Variants in KIAA1549L observed in about 807,000 individuals in gnomAD.
KIAA1549L encodes KIAA1549 like.
In KIAA1549L, 88 loss-of-function variants were observed where a neutral mutation model predicts 160.7. The observed-to-expected ratio is 0.55, with a 90% CI of 0.46 to 0.65. KIAA1549L has a LOEUF of 0.65. KIAA1549L is among the 30% of genes least tolerant of loss of function. The pLI is 0.00. For missense variants in KIAA1549L, 2,258 were observed against 2,437.5 expected, an observed-to-expected ratio of 0.93 and a Z score of 1.55; for synonymous variants, 950 against 976.7, an observed-to-expected ratio of 0.97 and a Z score of 0.51.
intron 16 of KIAA1549L, among the ~76,000 whole-genome samples, chr11:33,641,576 A>G (rs1248110277): frequency 0.064 from 45 of 702 alleles, 1 homozygote; most frequent in African/African-American, 0.29. Flanking sequence ...GGATCTGTAT[A>G]TATATATATA....
intron 4 of KIAA1549L, among the ~76,000 whole-genome samples, chr11:33,549,682 T>A (rs1239099649): frequency 1.3e-5 from 2 of 152,176 alleles, no homozygotes; most frequent in African/African-American, 4.8e-5. Context: ...CACATGGAGA[T>A]GCAAGAATAT....
rs566063262 is a variant in KIAA1549L, at chr11:33,634,947, T to A, written c.5410-10739T>A. Among the ~76,000 whole-genome samples the A allele has an allele frequency of 1.6e-4, 24 of 149,048 alleles. 1 individual carries two copies. Among genetic ancestry groups the A allele is most frequent in the South Asian group, 8.3e-4 (4 of 4,808 alleles). On this transcript the variant is annotated intron_variant, in intron 16 of 20. Coordinates refer to ENST00000658780, the MANE Select transcript of KIAA1549L (RefSeq NM_012194.3). ...GAAATTTGAAATTTTGCTGAAAAAA[T>A]TTTTTTTAATTCCATTTGCACGCCT...
chr11:33,660,420 C>T (rs1444172532), intron 19 of KIAA1549L, among the ~76,000 whole-genome samples: 1 of 152,182 alleles, frequency 6.6e-6, no homozygotes, highest in Non-Finnish European at 1.5e-5. Flanking sequence ...AAAAAATTAG[C>T]CAGGCACAGT....
chr11:33,600,106 A>G (rs988918473), intron 13 of KIAA1549L, among the ~76,000 whole-genome samples: 12 of 152,094 alleles, frequency 7.9e-5, no homozygotes, highest in Non-Finnish European at 1.5e-4. Context: ...ATTTTCAGCT[A>G]TTATATAAAG....
chr11:33,517,869 C>T lies in KIAA1549L; in HGVS notation c.239-23933C>T, dbSNP rs141094008. Among the ~76,000 whole-genome samples the T allele has an allele frequency of 4.5e-3, 681 of 152,090 alleles. 3 individuals are homozygous for T. Among genetic ancestry groups the T allele is most frequent in the Admixed American group, 6.9e-3 (105 of 15,276 alleles). The stretch of plus-strand genomic sequence containing the variant: ...ACTTAAAAGACATTGCAGGCAGGCG[C>T]GGTGGCTCACACCTGTAATCCTAGC... On this transcript the variant is annotated intron_variant, in intron 1 of 20. Transcript: ENST00000658780.
At chr11:33,409,213 A>G (rs758070941) in intron 1 of KIAA1549L, among the ~76,000 whole-genome samples, 4 of 152,170 alleles carry the variant, frequency 2.6e-5, no homozygotes, top group Non-Finnish European at 5.9e-5. Flanking sequence ...AATACTGTCA[A>G]CACTGACACT....
In KIAA1549L at chr11:33,485,917, T is replaced by C. The variant is rs376414311; in HGVS notation, c.239-55885T>C. Among the ~76,000 whole-genome samples, 129 of 152,310 alleles carry C rather than the reference T, an allele frequency of 8.5e-4. No individual in the cohort carries two copies. The South Asian group carries it at 0.025, about 29-fold the overall frequency. ...CTGGATTATTTCACTTGATATAATG[T>C]CCTCCAGTTTCATCCCTGTCATCAC... is the stretch of plus-strand genomic sequence containing the variant. On this transcript the variant is annotated intron_variant, in intron 1 of 20. Coordinates refer to ENST00000658780, the MANE Select transcript of KIAA1549L (RefSeq NM_012194.3).
rs771175746 is a variant in KIAA1549L at position 33,545,309 on chromosome 11, G to A, written c.3316G>A (p.Val1106Met). 1.2e-6 allele frequency: 2 copies of A among 1,613,744 alleles called. No homozygotes were observed. ...DAVLPAASAA[V>M]VTTGKMASNL... The stretch of plus-strand genomic sequence containing the variant: ...TGTCCTTCCTGCTGCATCGGCTGCA[G>A]TGGTCACGACTGGCAAAATGGCATC... The change falls in exon 3 of 21, where the codon GTG becomes ATG. Residue 1106 changes from valine to methionine, a missense_variant. Physicochemically the swap from Val to Met is conservative, Grantham distance 21. Around this residue, in one of 6 missense-constraint regions of KIAA1549L, gnomAD observed 1,359 missense variants for 1,546.6 expected, o/e 0.88. Transcript: ENST00000658780.
rs1185080822 is a variant in KIAA1549L, at chr11:33,376,934, C to G, written c.238+45C>G. 6.6e-6 allele frequency: 1 copy of G among 152,294 alleles called. No homozygotes were observed. Among genetic ancestry groups the G allele is most frequent in the Non-Finnish European group, 1.5e-5 (1 of 68,170 alleles). 9.4% of individuals were successfully genotyped at this position (152,294 alleles called of 1,614,324 possible). A position where few individuals can be genotyped will look rare whatever the true frequency, so the allele number is the denominator to read the frequency against. On this transcript the variant is annotated intron_variant, in intron 1 of 20. Transcript: ENST00000658780. This position sits in a 1 kb window ranked among gnomAD's most constrained non-coding sequence, Gnocchi z 5.8. Reference sequence around the variant, plus strand: ...GCGTCCGCGGAGGTTTCTGGAGGAGCGGGGCGGCGGGACGGGACCCACACC... The same window carrying G: ...GCGTCCGCGGAGGTTTCTGGAGGAGGGGGGCGGCGGGACGGGACCCACACC...
chr11:33,466,352 C>A (rs1249329772), intron 1 of KIAA1549L, among the ~76,000 whole-genome samples: 1 of 152,178 alleles, frequency 6.6e-6, no homozygotes, highest in African/African-American at 2.4e-5. Context: ...ATGCAGCCAA[C>A]AGACATATGA....
intron 1 of KIAA1549L, among the ~76,000 whole-genome samples, chr11:33,385,016 G>T (rs1850147082): frequency 6.6e-6 from 1 of 150,376 alleles, no homozygotes. Flanking sequence ...TAAGATTTGT[G>T]CTTTTTGTGT....
At chr11:33,592,724 A>G (rs929247390) in intron 12 of KIAA1549L, among the ~76,000 whole-genome samples, 1 of 152,248 alleles carries the variant, frequency 6.6e-6, no homozygotes, top group Non-Finnish European at 1.5e-5. Flanking sequence ...TGATGAGTAC[A>G]AAGAAGAAAA....
chr11:33,384,694 C>G (rs1850138029), intron 1 of KIAA1549L, among the ~76,000 whole-genome samples: 1 of 152,054 alleles, frequency 6.6e-6, no homozygotes, highest in Non-Finnish European at 1.5e-5. Context: ...GTTTACATTT[C>G]TCTAATCACT....
intron 1 of KIAA1549L, among the ~76,000 whole-genome samples, chr11:33,487,347 G>A (rs537856258): frequency 1.3e-5 from 2 of 151,982 alleles, no homozygotes; most frequent in East Asian, 1.9e-4. Flanking sequence ...CCCACTAGGT[G>A]GGGGGCAGGT....
At chr11:33,547,692 A>G in intron 3 of KIAA1549L, 72 bp from the exon 4 acceptor site, 1 of 919,452 alleles carries the variant, frequency 1.1e-6, no homozygotes, top group Non-Finnish European at 1.7e-6. Flanking sequence ...GGTGGTTGGG[A>G]GGAGCAGAGG....
intron 1 of KIAA1549L, among the ~76,000 whole-genome samples, chr11:33,397,470 G>A (rs1331222136): frequency 6.6e-6 from 1 of 151,232 alleles, no homozygotes; most frequent in East Asian, 2.0e-4. Context: ...CAGCATTTTG[G>A]GAGACCAAGG....
chr11:33,431,125 G>C (rs972261609), intron 1 of KIAA1549L, among the ~76,000 whole-genome samples: 14 of 152,206 alleles, frequency 9.2e-5, no homozygotes, highest in African/African-American at 3.4e-4. Flanking sequence ...CGTTCCTCCT[G>C]GTGGGCTCGT....
At chr11:33,378,715 G>A (rs998075344) in intron 1 of KIAA1549L, among the ~76,000 whole-genome samples, 6 of 152,064 alleles carry the variant, frequency 3.9e-5, no homozygotes, top group Admixed American at 2.6e-4. Context: ...GCCCACCTGC[G>A]GATTCACAGT....
At position 33,384,725 on chromosome 11, in the gene KIAA1549L, T is replaced by TAATAAAACAGAAAGA. The variant is rs1293324703; in HGVS notation, c.238+7836_238+7837insAATAAAACAGAAAGA. 1.2e-4 allele frequency among the ~76,000 whole-genome samples: 18 copies of TAATAAAACAGAAAGA among 152,310 alleles called. No homozygotes were observed. In the East Asian group the frequency reaches 3.5e-3, roughly 29 times the overall value. ...TCACTAATAATTTTATTGTTGCATA[T>TAATAAAACAGAAAGA]CTTTTCATGTTCTTACTTGCCATCT... On this transcript the variant is annotated intron_variant, in intron 1 of 20. Coordinates refer to ENST00000658780, the MANE Select transcript of KIAA1549L (RefSeq NM_012194.3).
Sources: allele counts gnomAD v4.1 joint callset (sites outside exome capture counted in the v4.1 genomes callset), GRCh38; gene constraint gnomAD v4.1.1; regional missense constraint gnomAD v4.1.1; non-coding constraint Gnocchi (gnomAD v3.1); transcripts MANE v1.5; gene names NCBI Gene and HGNC (gene_info 2026-07-23, HGNC 2026-07-21).